VAV2: variants seen among roughly 807,000 people sequenced by gnomAD.
The protein encoded by VAV2 is guanine nucleotide exchange factor VAV2.
In VAV2, 67 loss-of-function variants were observed where a neutral mutation model predicts 132.5. The ratio of observed to expected loss-of-function variants is 0.51; its 90% CI spans 0.42 to 0.62. VAV2 has a LOEUF of 0.62. Ranked by LOEUF, VAV2 falls within the 20% of genes least tolerant of loss-of-function variation. The pLI, the probability that VAV2 is intolerant of heterozygous loss-of-function variation, is 0.00. For synonymous variants in VAV2, 492 were observed against 443.5 expected, an observed-to-expected ratio of 1.11 and a Z score of -1.37; for missense variants, 938 against 1,153.6, an observed-to-expected ratio of 0.81 and a Z score of 2.71.
At position 133,769,602 on chromosome 9, in the gene VAV2, G is replaced by T; in HGVS notation, c.2348-99C>A. 1 of 1,304,348 alleles carries T rather than the reference G, an allele frequency of 7.7e-7. No individual in the cohort carries two copies. The highest frequency in any genetic ancestry group is 1.1e-6 in the Non-Finnish European group (1 of 944,172). 80.8% of individuals were successfully genotyped at this position (1,304,348 alleles called of 1,614,324 possible). A position where few individuals can be genotyped will look rare whatever the true frequency, so the allele number is the denominator to read the frequency against. ...GGCCGGGGGGCATGGGGTGGGGCAG[G>T]CCCTTTGGCAGGAGAGGCCCTACAG... On this transcript the variant is annotated intron_variant, in intron 27 of 29. Coordinates refer to ENST00000371850, the MANE Select transcript of VAV2 (RefSeq NM_001134398.2). The surrounding 1 kb of genome is among the most constrained non-coding windows in gnomAD (Gnocchi z 8.1).
At chr9:133,878,154 C>T (rs1258828236) in intron 2 of VAV2, among the ~76,000 whole-genome samples, 1 of 152,232 alleles carries the variant, frequency 6.6e-6, no homozygotes, top group Non-Finnish European at 1.5e-5. Flanking sequence ...TCTCCGCCGG[C>T]CTGCGTCTCA....
At chr9:133,893,406 C>A (rs559592722) in intron 2 of VAV2, among the ~76,000 whole-genome samples, 1 of 152,328 alleles carries the variant, frequency 6.6e-6, no homozygotes, top group South Asian at 2.1e-4. Context: ...AGTCGGGCAG[C>A]GCCACGGTGG....
intron 2 of VAV2, among the ~76,000 whole-genome samples, chr9:133,903,136 G>A (rs1356800755): frequency 6.6e-6 from 1 of 150,876 alleles, no homozygotes; most frequent in Admixed American, 6.6e-5. Context: ...GAGGAAAGAC[G>A]ACAAGAATAC....
intron 2 of VAV2, among the ~76,000 whole-genome samples, chr9:133,888,277 G>A (rs1035970243): frequency 5.3e-5 from 8 of 152,238 alleles, no homozygotes; most frequent in Non-Finnish European, 7.3e-5. Context: ...GAGACGGACG[G>A]TGGTGACGGC....
intron 29 of VAV2, among the ~76,000 whole-genome samples, chr9:133,766,768 A>ATATATATATT (rs1224527695): frequency 4.3e-5 from 6 of 139,366 alleles, no homozygotes; most frequent in African/African-American, 1.4e-4. Context: ...AAATATATAT[A>ATATATATATT]TATATATATA....
At chr9:133,892,657 T>C in intron 2 of VAV2, among the ~76,000 whole-genome samples, 1 of 152,176 alleles carries the variant, frequency 6.6e-6, no homozygotes, top group East Asian at 1.9e-4. Flanking sequence ...CAGAGACAAC[T>C]GTCCTTCGGC....
chr9:133,895,556 T>TC (rs1491120077), intron 2 of VAV2, among the ~76,000 whole-genome samples: 1 of 152,022 alleles, frequency 6.6e-6, no homozygotes, highest in Non-Finnish European at 1.5e-5. Flanking sequence ...ACAGGGACAA[T>TC]CTATTGTGAC....
chr9:133,933,841 T>TG (rs1840787788), intron 2 of VAV2, among the ~76,000 whole-genome samples: 1 of 135,682 alleles, frequency 7.4e-6, no homozygotes. Flanking sequence ...GATGGATGGA[T>TG]GGTGGATGGG....
Position 133,807,344 on chromosome 9 carries a change from A to G in VAV2, c.667-18T>C, listed in dbSNP as rs1166883673. ...ATGTAGTTCTGGAAGAGAGAAGTCC[A>G]CCTCTGCCACCCTGCTGCTGTTGCC... On this transcript the variant is annotated intron_variant, in intron 7 of 29. Coordinates refer to ENST00000371850, the MANE Select transcript of VAV2 (RefSeq NM_001134398.2). 1 of 1,597,280 alleles carries G rather than the reference A, an allele frequency of 6.3e-7. No homozygotes were observed. Among genetic ancestry groups the G allele is most frequent in the Non-Finnish European group, 8.5e-7 (1 of 1,172,428 alleles).
intron 3 of VAV2, among the ~76,000 whole-genome samples, chr9:133,835,349 C>A (rs1836427512): frequency 6.6e-6 from 1 of 150,546 alleles, no homozygotes. Context: ...CCAGCACAGG[C>A]CAACCACTCA....
At chr9:133,916,732 A>C (rs1840105320) in intron 2 of VAV2, among the ~76,000 whole-genome samples, 1 of 152,152 alleles carries the variant, frequency 6.6e-6, no homozygotes. Flanking sequence ...GTTCCCCTGC[A>C]AAGGACACCC....
At chr9:133,798,636 C>T (rs895201719) in intron 9 of VAV2, among the ~76,000 whole-genome samples, 2 of 152,208 alleles carry the variant, frequency 1.3e-5, no homozygotes, top group African/African-American at 2.4e-5. Context: ...CATAACCCCA[C>T]CGACAGGGCA....
At chr9:133,950,695 A>G (rs1252335316) in intron 1 of VAV2, among the ~76,000 whole-genome samples, 1 of 152,186 alleles carries the variant, frequency 6.6e-6, no homozygotes, top group Non-Finnish European at 1.5e-5. Context: ...CTGAGCAATT[A>G]GCCCAGACGC....
Position 133,778,886 on chromosome 9 carries a change from G to T in VAV2, c.1766C>A (p.Pro589His). ...DLDASGAGPG[P>H]KMVAMQNYHG... ...GTAATTCTGCATGGCCACCATCTTG[G>T]GACCTGCAAAGGATAGGACAGCTCA... The change falls in exon 22 of 30, where the codon CCC becomes CAC. Residue 589 changes from proline to histidine, a missense_variant. By Grantham distance (77) the Pro-to-His change is moderately conservative (BLOSUM62 -2). Transcript: ENST00000371850. 2 of 1,612,316 alleles carry T rather than the reference G, an allele frequency of 1.2e-6. No homozygotes were observed. Among genetic ancestry groups the T allele is most frequent in the Non-Finnish European group, 1.7e-6 (2 of 1,179,872 alleles).
intron 2 of VAV2, among the ~76,000 whole-genome samples, chr9:133,934,337 A>T (rs1840826054): frequency 6.6e-6 from 1 of 152,212 alleles, no homozygotes; most frequent in Non-Finnish European, 1.5e-5. Context: ...AACCAGCCAG[A>T]GACACCAGCC....
chr9:133,838,554 G>C, intron 3 of VAV2, among the ~76,000 whole-genome samples: 1 of 130,914 alleles, frequency 7.6e-6, no homozygotes. Flanking sequence ...TGCATGCATG[G>C]GTGGGCGGGT....
chr9:133,862,146 A>T (rs1042089690), intron 2 of VAV2, among the ~76,000 whole-genome samples: 3 of 152,206 alleles, frequency 2.0e-5, no homozygotes, highest in African/African-American at 7.2e-5. Context: ...TGCTCCCCCT[A>T]ACCGGCCTGC....
intron 2 of VAV2, among the ~76,000 whole-genome samples, chr9:133,888,385 TAAAAC>T (rs56068817): frequency 0.66 from 99,872 of 151,530 alleles, 34,430 homozygotes; most frequent in Middle Eastern, 0.87. Context: ...CCACAGTCAA[TAAAAC>T]AAAACAAAGC....
At chr9:133,977,689 T>G (rs1241052671) in intron 1 of VAV2, among the ~76,000 whole-genome samples, 1 of 152,212 alleles carries the variant, frequency 6.6e-6, no homozygotes, top group Non-Finnish European at 1.5e-5. Context: ...TGCAGGCAAG[T>G]GTCCAGAGCC....
Sources: allele counts gnomAD v4.1 joint callset (sites outside exome capture counted in the v4.1 genomes callset), GRCh38; gene constraint gnomAD v4.1.1; non-coding constraint Gnocchi (gnomAD v3.1); transcripts MANE v1.5; gene names NCBI Gene and HGNC (gene_info 2026-07-23, HGNC 2026-07-21).